NRXN1: variants seen among roughly 807,000 people sequenced by gnomAD.
NRXN1 encodes neurexin 1.
NRXN1 carries 39 observed loss-of-function variants against 150.9 expected under a neutral mutation model. That is an observed-to-expected ratio of 0.26 (90% confidence interval 0.20 to 0.34). NRXN1 has a LOEUF of 0.34. NRXN1 is among the 10% of genes least tolerant of loss of function. The pLI is 1.00. For missense variants in NRXN1, 1,815 were observed against 1,949.9 expected (o/e 0.93, Z 1.30); for synonymous variants, 924 against 757.0 (o/e 1.22, Z -3.62).
chr2:50,644,624 A>C (rs1322217110), intron 5 of NRXN1, among the ~76,000 whole-genome samples: 1 of 151,524 alleles, frequency 6.6e-6, no homozygotes, highest in Non-Finnish European at 1.5e-5. Flanking sequence ...CCCAGGTTTG[A>C]TCTCTTTATT....
chr2:50,488,393 A>T (rs1431821518), intron 15 of NRXN1, among the ~76,000 whole-genome samples: 1 of 152,150 alleles, frequency 6.6e-6, no homozygotes, highest in Non-Finnish European at 1.5e-5. Flanking sequence ...AGGGGTGAAA[A>T]GCCAGGTCTG....
chr2:50,205,602 G>A (rs1408241588), intron 18 of NRXN1, among the ~76,000 whole-genome samples: 2 of 152,014 alleles, frequency 1.3e-5, no homozygotes, highest in Non-Finnish European at 2.9e-5. Context: ...GAGAATGGAA[G>A]AAAACTGGAC....
At chr2:50,982,932 T>C (rs1486976560) in intron 2 of NRXN1, among the ~76,000 whole-genome samples, 1 of 152,028 alleles carries the variant, frequency 6.6e-6, no homozygotes, top group Non-Finnish European at 1.5e-5. Flanking sequence ...ATGAACCACT[T>C]GTACCCCTTC....
intron 12 of NRXN1, among the ~76,000 whole-genome samples, chr2:50,520,907 T>C (rs1344634844): frequency 6.6e-6 from 1 of 152,112 alleles, no homozygotes; most frequent in Non-Finnish European, 1.5e-5. Context: ...TAGAAACTTA[T>C]AATTCATGAA....
intron 2 of NRXN1, among the ~76,000 whole-genome samples, chr2:50,969,018 G>A (rs950754779): frequency 6.6e-6 from 1 of 152,012 alleles, no homozygotes; most frequent in Non-Finnish European, 1.5e-5. Context: ...CGCCAGGTAA[G>A]TCCCAGTAAC....
chr2:50,419,193 A>G (rs995341048), intron 17 of NRXN1, among the ~76,000 whole-genome samples: 10 of 152,120 alleles, frequency 6.6e-5, no homozygotes, highest in Non-Finnish European at 1.3e-4. Context: ...TCACACTCTT[A>G]AGGCAATGAA....
At chr2:50,094,209 T>C (rs1699930742) in intron 18 of NRXN1, among the ~76,000 whole-genome samples, 1 of 152,236 alleles carries the variant, frequency 6.6e-6, no homozygotes, top group Admixed American at 6.5e-5. Flanking sequence ...AACACATTAC[T>C]GTTTCCATCT....
At chr2:49,999,000 C>T (rs1683464742) in intron 21 of NRXN1, among the ~76,000 whole-genome samples, 1 of 151,302 alleles carries the variant, frequency 6.6e-6, no homozygotes. Context: ...GCATTTTAGG[C>T]CGATGCTTCT....
At chr2:50,619,239 A>G (rs1347945431) in intron 8 of NRXN1, 3 of 152,210 alleles carry the variant, frequency 2.0e-5, no homozygotes, top group African/African-American at 7.2e-5. Flanking sequence ...TAGGCATACA[A>G]TGTAAGAGGA....
chr2:50,621,551 T>A (rs1278682709), intron 6 of NRXN1, among the ~76,000 whole-genome samples: 1 of 152,150 alleles, frequency 6.6e-6, no homozygotes, highest in Non-Finnish European at 1.5e-5. Context: ...ATGACAATGT[T>A]CCCTTTGTCT....
chr2:50,360,085 C>T (rs2079082740), intron 17 of NRXN1, among the ~76,000 whole-genome samples: 1 of 152,168 alleles, frequency 6.6e-6, no homozygotes, highest in African/African-American at 2.4e-5. Flanking sequence ...CCAGGCCTGC[C>T]TTACAAGAGC....
At chr2:49,971,547 G>A (rs1178694407) in intron 21 of NRXN1, among the ~76,000 whole-genome samples, 7 of 152,030 alleles carry the variant, frequency 4.6e-5, no homozygotes, top group African/African-American at 9.7e-5. Context: ...CCTTGATTGT[G>A]CAAAGTCAAT....
intron 19 of NRXN1, among the ~76,000 whole-genome samples, chr2:50,070,664 G>C (rs1396601617): frequency 6.6e-6 from 1 of 151,114 alleles, no homozygotes; most frequent in Admixed American, 6.6e-5. Flanking sequence ...CAGCTACTCG[G>C]GAGGCTGAGG....
chr2:50,209,639 T>G (rs537921294), intron 18 of NRXN1, among the ~76,000 whole-genome samples: 66 of 152,238 alleles, frequency 4.3e-4, no homozygotes, highest in African/African-American at 1.4e-3. Context: ...TCTATTTGGT[T>G]CTGTCACAAC....
At chr2:50,683,519 C>T (rs980997986) in intron 5 of NRXN1, among the ~76,000 whole-genome samples, 18 of 147,254 alleles carry the variant, frequency 1.2e-4, no homozygotes, top group South Asian at 4.4e-4. Flanking sequence ...GTAGTCCTAG[C>T]TACTCAGGAG....
chr2:50,967,986 C>T (rs1325836576), intron 2 of NRXN1, among the ~76,000 whole-genome samples: 1 of 151,852 alleles, frequency 6.6e-6, no homozygotes, highest in Non-Finnish European at 1.5e-5. Context: ...GAATCTCTCT[C>T]GGGGCTAACT....
chr2:50,919,407 C>T (rs1324740720), intron 5 of NRXN1: 2 of 151,732 alleles, frequency 1.3e-5, no homozygotes, highest in Non-Finnish European at 2.9e-5. Context: ...TCATCTATCA[C>T]TGGACATTTA....
intron 5 of NRXN1, among the ~76,000 whole-genome samples, chr2:50,878,744 G>A: frequency 6.6e-6 from 1 of 151,912 alleles, no homozygotes; most frequent in East Asian, 2.0e-4. Context: ...TTCATCAGAT[G>A]TATTTGGGGA....
At chr2:50,205,962 G>A (rs977225426) in intron 18 of NRXN1, among the ~76,000 whole-genome samples, 1 of 151,900 alleles carries the variant, frequency 6.6e-6, no homozygotes, top group African/African-American at 2.4e-5. Context: ...AGAGAGAAGG[G>A]ATGTCTTTCA....
Sources: allele counts gnomAD v4.1 joint callset (sites outside exome capture counted in the v4.1 genomes callset), GRCh38; gene constraint gnomAD v4.1.1; transcripts MANE v1.5; gene names NCBI Gene and HGNC (gene_info 2026-07-23, HGNC 2026-07-21).